ARHGAP15: variants seen among roughly 807,000 people sequenced by gnomAD.
ARHGAP15 encodes the protein Rho GTPase activating protein 15, also known as rho GTPase-activating protein 15.
Under a neutral mutation model 63.7 loss-of-function variants are expected in ARHGAP15, and 51 were observed. That is an observed-to-expected ratio of 0.80 (90% CI 0.64 to 1.01). The LOEUF (loss-of-function observed/expected upper bound fraction) is 1.01, where lower values mean the gene tolerates loss of function less well. Ranked by LOEUF, ARHGAP15 falls within the 50% of genes least tolerant of loss-of-function variation. The pLI, the probability that ARHGAP15 is intolerant of heterozygous loss-of-function variation, is 0.00. For missense variants in ARHGAP15, 560 were observed against 564.6 expected (o/e 0.99, Z 0.08); for synonymous variants, 191 against 193.8 (o/e 0.99, Z 0.12).
intron 10 of ARHGAP15, among the ~76,000 whole-genome samples, chr2:143,551,933 G>T (rs983025142): frequency 2.6e-5 from 4 of 152,168 alleles, no homozygotes; most frequent in Non-Finnish European, 5.9e-5. Flanking sequence ...GGAGGCATAG[G>T]TCTGAATGGC....
At chr2:143,427,326 G>A (rs2381456) in intron 6 of ARHGAP15, among the ~76,000 whole-genome samples, 137,903 of 152,178 alleles carry the variant, frequency 0.91, 62,644 homozygotes, top group Middle Eastern at 0.97. Context: ...AATTAACAAC[G>A]TAACTACTAC....
chr2:143,426,465 C>T (rs961835603), intron 6 of ARHGAP15, among the ~76,000 whole-genome samples: 4 of 152,106 alleles, frequency 2.6e-5, no homozygotes, highest in Admixed American at 2.0e-4. Context: ...AAGGGAACTG[C>T]GGTGCATTTC....
intron 10 of ARHGAP15, among the ~76,000 whole-genome samples, chr2:143,554,151 TA>T (rs1412775464): frequency 3.3e-5 from 5 of 152,308 alleles, no homozygotes; most frequent in Non-Finnish European, 5.9e-5. Context: ...ATTGATTTTT[TA>T]AAAAATTAGA....
chr2:143,341,402 A>C (rs919955449), intron 6 of ARHGAP15, among the ~76,000 whole-genome samples: 5 of 152,152 alleles, frequency 3.3e-5, no homozygotes, highest in African/African-American at 1.2e-4. Context: ...CAGATTCCTC[A>C]GAAGTTTCTG....
chr2:143,533,251 A>G (rs1462320644), intron 10 of ARHGAP15: 1 of 152,240 alleles, frequency 6.6e-6, no homozygotes, highest in Non-Finnish European at 1.5e-5. Context: ...AAATGTTGGC[A>G]GGTAACATGA....
intron 6 of ARHGAP15, among the ~76,000 whole-genome samples, chr2:143,378,647 C>G (rs939563078): frequency 1.3e-5 from 2 of 152,172 alleles, no homozygotes; most frequent in East Asian, 3.9e-4. Flanking sequence ...AAGCACCATC[C>G]TCTACCAGTT....
rs558364044 is a variant in ARHGAP15, at chr2:143,559,211, T to A, written c.1003+2726T>A. ...CAGAAGCCATGCTAGAAACAAACAC[T>A]AGTTGCATTTCCTGCCTTTAAAAAA... On this transcript the variant is annotated intron_variant, in intron 11 of 13. Coordinates refer to ENST00000295095, the MANE Select transcript of ARHGAP15 (RefSeq NM_018460.4). 2.0e-5 allele frequency among the ~76,000 whole-genome samples: 3 copies of A among 152,252 alleles called. No homozygotes were observed. The South Asian group carries it at 6.2e-4, about 32-fold the overall frequency.
intron 12 of ARHGAP15, among the ~76,000 whole-genome samples, chr2:143,654,266 T>A (rs1311217954): frequency 6.6e-6 from 1 of 152,150 alleles, no homozygotes; most frequent in Non-Finnish European, 1.5e-5. Context: ...TATAATAGAA[T>A]GCTTTATATT....
At chr2:143,450,400 G>A (rs2105131610) in intron 8 of ARHGAP15, among the ~76,000 whole-genome samples, 1 of 151,810 alleles carries the variant, frequency 6.6e-6, no homozygotes, top group Non-Finnish European at 1.5e-5. Context: ...TTACATAAAA[G>A]TGATTATTTT....
At chr2:143,340,939 C>G (rs1685030476) in intron 6 of ARHGAP15, among the ~76,000 whole-genome samples, 1 of 152,142 alleles carries the variant, frequency 6.6e-6, no homozygotes, top group Non-Finnish European at 1.5e-5. Context: ...TCTAATAAAT[C>G]AGAATACTGA....
Position 143,355,971 on chromosome 2 carries a change from G to A in ARHGAP15, c.475-79630G>A, listed in dbSNP as rs144797096. 2.3e-3 allele frequency among the ~76,000 whole-genome samples: 342 copies of A among 151,586 alleles called. 1 individual carries two copies. The highest frequency in any genetic ancestry group is 7.7e-3 in the African/African-American group (318 of 41,286). The stretch of plus-strand genomic sequence containing the variant: ...TTTCCCCTTTAAGCTATGCCATTAC[G>A]CTCATTTGTCCTGTCACCACTGACA... On this transcript the variant is annotated intron_variant, in intron 6 of 13. Transcript: ENST00000295095.
At chr2:143,410,899 TAAA>T (rs1356800303) in intron 6 of ARHGAP15, among the ~76,000 whole-genome samples, 1 of 147,388 alleles carries the variant, frequency 6.8e-6, no homozygotes, top group Non-Finnish European at 1.5e-5. Flanking sequence ...CAGAGTAAAA[TAAA>T]AAACGAAAAT....
intron 2 of ARHGAP15, among the ~76,000 whole-genome samples, chr2:143,186,586 T>C (rs1467278815): frequency 6.6e-6 from 1 of 152,200 alleles, no homozygotes; most frequent in East Asian, 1.9e-4. Context: ...TGTTAGTCTA[T>C]CTTCAAAACA....
intron 8 of ARHGAP15, among the ~76,000 whole-genome samples, chr2:143,487,156 A>T (rs1319878041): frequency 6.6e-6 from 1 of 152,216 alleles, no homozygotes; most frequent in African/African-American, 2.4e-5. Flanking sequence ...GAATATATGG[A>T]ACTAATCCCA....
At chr2:143,325,547 G>A (rs1684211049) in intron 6 of ARHGAP15, among the ~76,000 whole-genome samples, 1 of 152,096 alleles carries the variant, frequency 6.6e-6, no homozygotes, top group South Asian at 2.1e-4. Flanking sequence ...TTATCAAACG[G>A]AAAATATTTG....
chr2:143,435,660 G>A lies in ARHGAP15; in HGVS notation c.534G>A (p.Leu178=), dbSNP rs368334646. 9.4e-6 allele frequency: 15 copies of A among 1,595,824 alleles called. No homozygotes were observed. Among genetic ancestry groups the A allele is most frequent in the Non-Finnish European group, 1.3e-5 (15 of 1,173,686 alleles). Residue 178 remains leucine, a synonymous_variant, in exon 7 of 14, where the codon TTG becomes TTA. Coordinates refer to ENST00000295095, the MANE Select transcript of ARHGAP15 (RefSeq NM_018460.4). The part of the protein sequence containing the change: ...LLQSDIDFII[L]DWFHAIKNAI... The stretch of plus-strand genomic sequence containing the variant: ...AGTCAGATATTGACTTCATCATATT[G>A]GATTGGTTCCACGCTATCAAAAATG...
At chr2:143,440,332 C>G (rs1689817979) in intron 8 of ARHGAP15, among the ~76,000 whole-genome samples, 1 of 152,134 alleles carries the variant, frequency 6.6e-6, no homozygotes, top group South Asian at 2.1e-4. Flanking sequence ...TTAAAACTTG[C>G]ATTCGCTTTT....
intron 12 of ARHGAP15, among the ~76,000 whole-genome samples, chr2:143,670,128 T>C (rs1301248615): frequency 6.6e-6 from 1 of 152,136 alleles, no homozygotes; most frequent in Non-Finnish European, 1.5e-5. Context: ...TTGAAAACTC[T>C]AAGAATCAGA....
intron 12 of ARHGAP15, among the ~76,000 whole-genome samples, chr2:143,679,886 T>G (rs1268283522): frequency 2.0e-5 from 3 of 152,068 alleles, no homozygotes; most frequent in Admixed American, 2.0e-4. Context: ...AAATTCACCC[T>G]TTTGTGAGCT....
Sources: gnomAD v4.1 joint callset for allele counts (sites outside exome capture counted in the v4.1 genomes callset) on GRCh38, gnomAD v4.1.1 for gene constraint, MANE v1.5 for transcripts, NCBI Gene and HGNC (gene_info 2026-07-23, HGNC 2026-07-21) for gene names.